The following KIF3B variants were observed in gnomAD, a reference collection of about 807,000 sequenced individuals.
The protein encoded by KIF3B is kinesin family member 3B.
In KIF3B, 38 loss-of-function variants were observed where a neutral mutation model predicts 74.3. That is an observed-to-expected ratio of 0.51 (90% CI 0.39 to 0.67). The LOEUF (loss-of-function observed/expected upper bound fraction) is 0.67. Ranked by LOEUF, KIF3B falls within the 30% of genes least tolerant of loss-of-function variation. KIF3B has a pLI of 0.00. For synonymous variants in KIF3B, 326 were observed against 342.5 expected, an observed-to-expected ratio of 0.95 and a Z score of 0.53; for missense variants, 649 against 932.0, an observed-to-expected ratio of 0.70 and a Z score of 3.95.
chr20:32,318,042 C>A (rs893836751), intron 5 of KIF3B, among the ~76,000 whole-genome samples: 2 of 152,144 alleles, frequency 1.3e-5, no homozygotes, highest in African/African-American at 4.8e-5. Flanking sequence ...GTGGCTCATG[C>A]CTGTAATCCC....
At chr20:32,307,992 T>C (rs923718750) in intron 1 of KIF3B, among the ~76,000 whole-genome samples, 1 of 151,074 alleles carries the variant, frequency 6.6e-6, no homozygotes, top group Non-Finnish European at 1.5e-5. Context: ...CCTAGCACTT[T>C]GAGAGAATGA....
chr20:32,316,893 A>G lies in KIF3B; in HGVS notation c.1748+19A>G, dbSNP rs375473275. On this transcript the variant is annotated intron_variant, in intron 5 of 8. Coordinates refer to ENST00000375712, the MANE Select transcript of KIF3B (RefSeq NM_004798.4). ...AACTCAAGTAAGTGCCAGGCCTTCC[A>G]TAGTGCCCCCAAGCCACTTGCTGAG... 2.0e-6 allele frequency: 3 copies of G among 1,535,472 alleles called. No homozygotes were observed. The highest frequency in any genetic ancestry group is 2.7e-5 in the African/African-American group (2 of 73,288).
rs149015672 is a variant in KIF3B at position 32,316,299 on chromosome 20, C to T, written c.1486C>T (p.Arg496Ter). The change falls in exon 3 of 9, where the codon CGA (arginine) becomes TGA (stop). Residue 496 changes from arginine (R) to a stop codon, truncating the protein, a stop_gained. Transcript: ENST00000375712. LOFTEE classifies it high-confidence loss of function. ...ACAGCAGAAAATCCTGGAGCAGAAACGACAGGAAATTGCAGAGCAGGTAAC... is the reference window on the plus strand; with the variant it reads ...ACAGCAGAAAATCCTGGAGCAGAAATGACAGGAAATTGCAGAGCAGGTAAC... ...NEQQKILEQK[R>*]QEIAEQKRRE... 4.3e-6 allele frequency: 7 copies of T among 1,612,880 alleles called. No individual in the cohort carries two copies. The highest frequency in any genetic ancestry group is 5.1e-6 in the Non-Finnish European group (6 of 1,178,910).
At position 32,317,191 on chromosome 20, in the gene KIF3B, C is replaced by T. The variant is rs540605720; in HGVS notation, c.1748+317C>T. Among the ~76,000 whole-genome samples, 10 of 152,112 alleles carry T rather than the reference C, an allele frequency of 6.6e-5. No homozygotes were observed. In the South Asian group the frequency reaches 8.3e-4, roughly 13 times the overall value. ...AGTGGAGATTGCGGTGAGTTGATAT[C>T]GTGCCACTGCACTCCAGCCTGGGCG... On this transcript the variant is annotated intron_variant, in intron 5 of 8. Transcript: ENST00000375712.
rs28876427 is a variant in KIF3B, at chr20:32,322,700, T to A, written c.1749-4071T>A. 1.9e-4 allele frequency among the ~76,000 whole-genome samples: 7 copies of A among 36,412 alleles called. 1 individual carries two copies. Among genetic ancestry groups the A allele is most frequent in the South Asian group, 1.4e-3 (2 of 1,396 alleles). 23.9% of individuals were successfully genotyped at this position (36,412 alleles called of 152,430 possible). A position where few individuals can be genotyped will look rare whatever the true frequency, so the allele number is the denominator to read the frequency against. On this transcript the variant is annotated intron_variant, in intron 5 of 8. Transcript: ENST00000375712. ...TATATTTATATATATTTATATATAT[T>A]TATATATTTATATATATTTATATTT...
chr20:32,314,370 T>C (rs947770778), intron 2 of KIF3B, among the ~76,000 whole-genome samples: 1 of 152,042 alleles, frequency 6.6e-6, no homozygotes, highest in Admixed American at 6.6e-5. Flanking sequence ...TGAAACCCTG[T>C]CTCTACTAAG....
At chr20:32,288,322 A>G (rs1047922045) in intron 1 of KIF3B, among the ~76,000 whole-genome samples, 3 of 152,076 alleles carry the variant, frequency 2.0e-5, no homozygotes, top group African/African-American at 7.2e-5. Flanking sequence ...GACCCCATCT[A>G]TACAAAACAT....
At chr20:32,317,510 T>G (rs2047834128) in intron 5 of KIF3B, among the ~76,000 whole-genome samples, 1 of 152,164 alleles carries the variant, frequency 6.6e-6, no homozygotes, top group East Asian at 1.9e-4. Context: ...AATACCCAAG[T>G]ACCCATCACC....
At chr20:32,321,649 A>G (rs1368592146) in intron 5 of KIF3B, among the ~76,000 whole-genome samples, 1 of 152,004 alleles carries the variant, frequency 6.6e-6, no homozygotes, top group Non-Finnish European at 1.5e-5. Context: ...TTGCATTTCC[A>G]TATTCAAACA....
In KIF3B at chr20:32,316,583, G is replaced by T. The variant is rs368469634; in HGVS notation, c.1563G>T (p.Leu521Phe). Residue 521 changes from leucine to phenylalanine, a missense_variant, in exon 4 of 9, where the codon TTG becomes TTT. By Grantham distance (22) the Leu-to-Phe change is conservative. Transcript: ENST00000375712. Reference sequence around the variant, plus strand: ...TGGAAAGTCGAGATGAGGAGACCTTGGAACTTAAAGAGACATACAGCTCAT... The same window carrying T: ...TGGAAAGTCGAGATGAGGAGACCTTTGAACTTAAAGAGACATACAGCTCAT... ...QQMESRDEET[L>F]ELKETYSSLQ... 6.2e-7 allele frequency: 1 copy of T among 1,614,074 alleles called. No individual in the cohort carries two copies. Among genetic ancestry groups the T allele is most frequent in the South Asian group, 1.1e-5 (1 of 91,068 alleles).
At chr20:32,330,012 A>G in intron 7 of KIF3B, 129 bp from the exon 8 acceptor site, 1 of 735,944 alleles carries the variant, frequency 1.4e-6, no homozygotes, top group Non-Finnish European at 2.1e-6. Flanking sequence ...TCTTTCAGGC[A>G]GGCTCTTTCT....
At chr20:32,317,000 C>T (rs749262190) in intron 5 of KIF3B, 126 bp downstream of exon 5, 34 of 708,100 alleles carry the variant, frequency 4.8e-5, no homozygotes, top group Non-Finnish European at 6.0e-5. Flanking sequence ...TTTTGGGAAG[C>T]GGAGGCGGGC....
intron 1 of KIF3B, among the ~76,000 whole-genome samples, chr20:32,306,783 C>T (rs1400209896): frequency 2.0e-5 from 3 of 151,676 alleles, no homozygotes; most frequent in African/African-American, 4.8e-5. Flanking sequence ...TTAGTAAAGA[C>T]GGGGTTTCAC....
chr20:32,280,469 C>G (rs1355971634), intron 1 of KIF3B, among the ~76,000 whole-genome samples: 3 of 151,838 alleles, frequency 2.0e-5, no homozygotes, highest in Non-Finnish European at 2.9e-5. Flanking sequence ...AATCCCAGCA[C>G]TTTGGGAGGC....
In KIF3B at chr20:32,309,983, A is replaced by G; in HGVS notation, c.206A>G (p.Gln69Arg). 1 of 1,614,210 alleles carries G rather than the reference A, an allele frequency of 6.2e-7. No individual in the cohort carries two copies. The highest frequency in any genetic ancestry group is 8.5e-7 in the Non-Finnish European group (1 of 1,180,028). Residue 69 changes from glutamine to arginine, a missense_variant, in exon 2 of 9, where the codon CAG becomes CGG. Physicochemically the swap from Gln to Arg is conservative, Grantham distance 43 (BLOSUM62 1). Around this residue, in one of 4 missense-constraint regions of KIF3B, gnomAD observed 96 missense variants for 119.0 expected, o/e 0.81. Transcript: ENST00000375712. ...FDAVYDWNAK[Q>R]FELYDETFRP... Reference sequence around the variant, plus strand: ...GCCGTCTATGACTGGAATGCCAAGCAGTTTGAACTGTACGATGAGACGTTC... The same window carrying G: ...GCCGTCTATGACTGGAATGCCAAGCGGTTTGAACTGTACGATGAGACGTTC...
intron 7 of KIF3B, among the ~76,000 whole-genome samples, chr20:32,329,541 A>ACTGCTTT (rs2047920378): frequency 6.6e-6 from 1 of 151,974 alleles, no homozygotes. Context: ...CCAGCACTTG[A>ACTGCTTT]CTGCTTTCTC....
At chr20:32,294,946 A>G (rs1461689602) in intron 1 of KIF3B, among the ~76,000 whole-genome samples, 1 of 152,304 alleles carries the variant, frequency 6.6e-6, no homozygotes, top group Non-Finnish European at 1.5e-5. Context: ...TAATGACTTC[A>G]TAGTTTCCCA....
chr20:32,311,116 G>C lies in KIF3B; in HGVS notation c.1339G>C (p.Glu447Gln). Residue 447 changes from glutamate (E) to glutamine (Q), a missense_variant, in exon 2 of 9, where the codon GAG (glutamate) becomes CAG (glutamine). By Grantham distance (29) the Glu-to-Gln change is conservative (BLOSUM62 2). Around this residue, in one of 4 missense-constraint regions of KIF3B, gnomAD observed 363 missense variants for 592.8 expected, o/e 0.61. Coordinates refer to ENST00000375712, the MANE Select transcript of KIF3B (RefSeq NM_004798.4). ...GAAGATGAGGCTGCTGAAGGAGAAA[G>C]AGAAAAAGATGGAGGACCTGCGGCG... is the stretch of plus-strand genomic sequence containing the variant. Reference protein sequence around the residue: ...EEKMRLLKEKEKKMEDLRREK... With the variant: ...EEKMRLLKEKQKKMEDLRREK... The C allele has an allele frequency of 6.2e-7, 1 of 1,613,708 alleles. No homozygotes were observed. Among genetic ancestry groups the C allele is most frequent in the African/African-American group, 1.3e-5 (1 of 74,980 alleles).
chr20:32,333,532 C>T lies in KIF3B; in HGVS notation c.*2213C>T, dbSNP rs2047940215. On this transcript the variant is annotated 3_prime_UTR_variant, in exon 9 of 9. Transcript: ENST00000375712. ...CCTCTAGTCCTAGCTACTCGGGAGG[C>T]TGAGGCACGAGAATCACTTGAACCT... is the stretch of plus-strand genomic sequence containing the variant. 6.9e-6 allele frequency: 1 copy of T among 144,136 alleles called. No homozygotes were observed. The highest frequency in any genetic ancestry group is 1.5e-5 in the Non-Finnish European group (1 of 67,126). The allele number at this position is 144,136 out of a possible 1,614,324, so 8.9% of individuals were successfully genotyped here.
Sources: allele counts gnomAD v4.1 joint callset (sites outside exome capture counted in the v4.1 genomes callset), GRCh38; gene constraint gnomAD v4.1.1; regional missense constraint gnomAD v4.1.1; transcripts MANE v1.5; gene names NCBI Gene and HGNC (gene_info 2026-07-23, HGNC 2026-07-21).